Variants in RFTN1 observed in about 807,000 individuals in gnomAD.
RFTN1 encodes raftlin.
Under a neutral mutation model 46.5 loss-of-function variants are expected in RFTN1, and 26 were observed. That is an observed-to-expected ratio of 0.56 (90% CI 0.41 to 0.78). RFTN1 has a LOEUF of 0.78. Among genes scored for constraint, RFTN1 ranks in the 30% least tolerant of loss-of-function variants. RFTN1 has a pLI of 0.00. For synonymous variants in RFTN1, 261 were observed against 284.2 expected, an observed-to-expected ratio of 0.92 and a Z score of 0.82; for missense variants, 693 against 718.7, an observed-to-expected ratio of 0.96 and a Z score of 0.41.
chr3:16,435,557 C>T (rs375778699), intron 2 of RFTN1, among the ~76,000 whole-genome samples: 1 of 152,094 alleles, frequency 6.6e-6, no homozygotes, highest in Admixed American at 6.5e-5. Flanking sequence ...GCAACAAGAG[C>T]TAAACTCCGT....
At position 16,374,281 on chromosome 3, in the gene RFTN1, A is replaced by G. The variant is rs2073654719; in HGVS notation, c.826+3437T>C. The stretch of plus-strand genomic sequence containing the variant: ...CCTGGGCTCTTTCCCAAATCTAACA[A>G]GAGGCTAACTTCATCAGGACACAGA... On this transcript the variant is annotated intron_variant, in intron 5 of 9. Transcript: ENST00000334133. This position sits in a 1 kb window ranked among gnomAD's most constrained non-coding sequence, Gnocchi z 5.4. 6.6e-6 allele frequency among the ~76,000 whole-genome samples: 1 copy of G among 152,222 alleles called. No homozygotes were observed. The highest frequency in any genetic ancestry group is 2.4e-5 in the African/African-American group (1 of 41,452).
At position 16,499,348 on chromosome 3, in the gene RFTN1, TTTAAGAAACTTGAGAGCA is replaced by T. The variant is rs1489074412; in HGVS notation, c.-8-5489_-8-5472del. On this transcript the variant is annotated intron_variant, in intron 1 of 9. Transcript: ENST00000334133. The surrounding 1 kb of genome is among the most constrained non-coding windows in gnomAD (Gnocchi z 4.9). The stretch of plus-strand genomic sequence containing the variant: ...CACAGTTCCAGTTTCTGGACCCAGC[TTTAAGAAACTTGAGAGCA>T]TTTACTCCCTGACTTTTGGGGTGCC... Among the ~76,000 whole-genome samples the T allele has an allele frequency of 6.6e-6, 1 of 152,200 alleles. No homozygotes were observed. Among genetic ancestry groups the T allele is most frequent in the Non-Finnish European group, 1.5e-5 (1 of 68,038 alleles).
intron 7 of RFTN1, 108 bp from the exon 8 acceptor site, chr3:16,326,984 G>A (rs1209534063): frequency 5.2e-6 from 4 of 769,658 alleles, no homozygotes; most frequent in African/African-American, 1.8e-5. Flanking sequence ...AAGAAGTGGC[G>A]GTGCCCGGCC....
intron 5 of RFTN1, among the ~76,000 whole-genome samples, chr3:16,371,594 T>A (rs191770891): frequency 6.6e-6 from 1 of 152,236 alleles, no homozygotes; most frequent in East Asian, 1.9e-4. Flanking sequence ...CCAGCAGAGA[T>A]CTCTAGGGAC....
rs1374463813 is a variant in RFTN1 at position 16,465,456 on chromosome 3, C to CACACT, written c.145+28268_145+28269insAGTGT. Among the ~76,000 whole-genome samples, 4 of 127,448 alleles carry CACACT rather than the reference C, an allele frequency of 3.1e-5. No individual in the cohort carries two copies. The highest frequency in any genetic ancestry group is 1.3e-4 in the African/African-American group (4 of 31,696). The allele number at this position is 127,448 out of a possible 152,430, so 83.6% of individuals were successfully genotyped here. ...CACACACACACACACACACACACAC[C>CACACT]CCATGCCTGATTAAACAAAATAATT... On this transcript the variant is annotated intron_variant, in intron 2 of 9. Coordinates refer to ENST00000334133, the MANE Select transcript of RFTN1 (RefSeq NM_015150.2). This position sits in a 1 kb window ranked among gnomAD's most constrained non-coding sequence, Gnocchi z 5.1.
intron 2 of RFTN1, among the ~76,000 whole-genome samples, chr3:16,478,076 C>G (rs955736983): frequency 1.3e-5 from 2 of 152,160 alleles, no homozygotes; most frequent in East Asian, 3.8e-4. Context: ...AAAGGACCAT[C>G]GCTCCCATCT....
chr3:16,444,664 A>G (rs1460713678), intron 2 of RFTN1, among the ~76,000 whole-genome samples: 1 of 152,270 alleles, frequency 6.6e-6, no homozygotes, highest in African/African-American at 2.4e-5. Flanking sequence ...AAATAATTGT[A>G]AAATAAAAAT....
chr3:16,454,357 A>G, intron 2 of RFTN1, among the ~76,000 whole-genome samples: 1 of 152,186 alleles, frequency 6.6e-6, no homozygotes, highest in East Asian at 1.9e-4. Context: ...CTGCATCAGG[A>G]TCATCTAGGG....
In RFTN1 at chr3:16,421,465, C is replaced by A. The variant is rs548513186; in HGVS notation, c.333-11982G>T. 6.6e-6 allele frequency among the ~76,000 whole-genome samples: 1 copy of A among 152,176 alleles called. No homozygotes were observed. Among genetic ancestry groups the A allele is most frequent in the African/African-American group, 2.4e-5 (1 of 41,514 alleles). ...CTCCCGGGTTCAAGTGATTCTCCTG[C>A]CTCAGCCCCCGGAGTAGCTGGGACT... On this transcript the variant is annotated intron_variant, in intron 3 of 9. Coordinates refer to ENST00000334133, the MANE Select transcript of RFTN1 (RefSeq NM_015150.2). The surrounding 1 kb of genome is among the most constrained non-coding windows in gnomAD (Gnocchi z 4.6).
At chr3:16,435,812 A>C (rs2075498852) in intron 2 of RFTN1, among the ~76,000 whole-genome samples, 1 of 151,912 alleles carries the variant, frequency 6.6e-6, no homozygotes, top group African/African-American at 2.4e-5. Context: ...CTGGGTTAAA[A>C]ATATATGCAT....
intron 4 of RFTN1, among the ~76,000 whole-genome samples, chr3:16,394,523 TGTTAGAA>T (rs1425333795): frequency 1.2e-4 from 18 of 152,028 alleles, no homozygotes; most frequent in Non-Finnish European, 2.5e-4. Flanking sequence ...CACCCTTTGG[TGTTAGAA>T]GTTAGAGAGG....
rs73818377 is a variant in RFTN1, at chr3:16,335,796, G to A, written c.1147-8920C>T. ...AACTTTAAAAAAAAAAAAAAAAAAA[G>A]GAGTTTGATCACACCATCAAATATC... is the stretch of plus-strand genomic sequence containing the variant. On this transcript the variant is annotated intron_variant, in intron 7 of 9. Coordinates refer to ENST00000334133, the MANE Select transcript of RFTN1 (RefSeq NM_015150.2). The surrounding 1 kb of genome is among the most constrained non-coding windows in gnomAD (Gnocchi z 4.7). Among the ~76,000 whole-genome samples, 2 of 144,402 alleles carry A rather than the reference G, an allele frequency of 1.4e-5. No homozygotes were observed. The highest frequency in any genetic ancestry group is 5.6e-5 in the African/African-American group (2 of 36,036). The allele number at this position is 144,402 out of a possible 152,430, so 94.7% of individuals were successfully genotyped here.
intron 7 of RFTN1, among the ~76,000 whole-genome samples, chr3:16,331,588 CAT>C (rs771688758): frequency 6.6e-6 from 1 of 152,160 alleles, no homozygotes; most frequent in Non-Finnish European, 1.5e-5. Context: ...ATTTATCCCA[CAT>C]GTTGCAATAC....
In RFTN1 at chr3:16,385,197, A is replaced by C. The variant is rs1451725712; in HGVS notation, c.442-7095T>G. On this transcript the variant is annotated intron_variant, in intron 4 of 9. Coordinates refer to ENST00000334133, the MANE Select transcript of RFTN1 (RefSeq NM_015150.2). This position sits in a 1 kb window ranked among gnomAD's most constrained non-coding sequence, Gnocchi z 5.0. ...AGTTACACATGAGTCTTTACAGTGA[A>C]TATTTTATCAGACACACACAACCCT... Among the ~76,000 whole-genome samples the C allele has an allele frequency of 6.6e-6, 1 of 152,128 alleles. No individual in the cohort carries two copies. Among genetic ancestry groups the C allele is most frequent in the East Asian group, 1.9e-4 (1 of 5,188 alleles).
At position 16,340,404 on chromosome 3, in the gene RFTN1, A is replaced by G. The variant is rs886876384; in HGVS notation, c.1147-13528T>C. On this transcript the variant is annotated intron_variant, in intron 7 of 9. Coordinates refer to ENST00000334133, the MANE Select transcript of RFTN1 (RefSeq NM_015150.2). ...AGGCTCTGTTCTAGCCAACTGCCAG[A>G]CATATGAATGAGGCCACTCTAGATC... Among the ~76,000 whole-genome samples, 23 of 152,268 alleles carry G rather than the reference A, an allele frequency of 1.5e-4. 1 individual carries two copies. Among genetic ancestry groups the G allele is most frequent in the Admixed American group, 1.5e-3 (23 of 15,286 alleles).
intron 2 of RFTN1, among the ~76,000 whole-genome samples, chr3:16,455,983 C>A (rs2075898551): frequency 6.6e-6 from 1 of 151,256 alleles, no homozygotes; most frequent in South Asian, 2.1e-4. Context: ...GCCCCCACCC[C>A]CGTCTCTGCA....
intron 3 of RFTN1, among the ~76,000 whole-genome samples, chr3:16,430,666 G>A (rs1337662701): frequency 6.6e-6 from 1 of 151,898 alleles, no homozygotes; most frequent in Non-Finnish European, 1.5e-5. Context: ...TTTAAAAAAG[G>A]CAGTTCCAAA....
In RFTN1 at chr3:16,427,024, G is replaced by A. The variant is rs752300158; in HGVS notation, c.332+6827C>T. On this transcript the variant is annotated intron_variant, in intron 3 of 9. Coordinates refer to ENST00000334133, the MANE Select transcript of RFTN1 (RefSeq NM_015150.2). This position sits in a 1 kb window ranked among gnomAD's most constrained non-coding sequence, Gnocchi z 5.4. ...GAGATTCCAGCAATTGCTGTGTGTCGAAGGCAGGATAAGCAGCTCAAAGGG... is the reference window on the plus strand; with the variant it reads ...GAGATTCCAGCAATTGCTGTGTGTCAAAGGCAGGATAAGCAGCTCAAAGGG... Among the ~76,000 whole-genome samples, 2 of 152,136 alleles carry A rather than the reference G, an allele frequency of 1.3e-5. No homozygotes were observed. The highest frequency in any genetic ancestry group is 1.5e-5 in the Non-Finnish European group (1 of 68,030).
rs1192274273 is a variant in RFTN1, at chr3:16,320,758, G to A, written c.1332+2618C>T. Among the ~76,000 whole-genome samples, 1 of 152,224 alleles carries A rather than the reference G, an allele frequency of 6.6e-6. No individual in the cohort carries two copies. The highest frequency in any genetic ancestry group is 1.5e-5 in the Non-Finnish European group (1 of 68,038). ...AAGAACTGGAGGCCACAGAGGAGCT[G>A]GAGGCCACAGAGAATGGGAGGCTGG... On this transcript the variant is annotated intron_variant, in intron 9 of 9. Transcript: ENST00000334133. The surrounding 1 kb of genome is among the most constrained non-coding windows in gnomAD (Gnocchi z 4.5).
Sources: allele counts gnomAD v4.1 joint callset (sites outside exome capture counted in the v4.1 genomes callset), GRCh38; gene constraint gnomAD v4.1.1; non-coding constraint Gnocchi (gnomAD v3.1); transcripts MANE v1.5; gene names NCBI Gene and HGNC (gene_info 2026-07-23, HGNC 2026-07-21).